The following CCAR2 variants were observed in gnomAD, a reference collection of about 807,000 sequenced individuals.
CCAR2 encodes cell cycle and apoptosis regulator protein 2.
A neutral mutation model predicts 108.1 loss-of-function variants in CCAR2; 21 were observed. The observed-to-expected ratio is 0.19, with a 90% confidence interval of 0.14 to 0.28. The LOEUF (loss-of-function observed/expected upper bound fraction) is 0.28. Ranked by LOEUF, CCAR2 falls within the 10% of genes least tolerant of loss-of-function variation. The probability of loss-of-function intolerance (pLI) is 1.00; values close to 1 mark genes in which losing one functional copy is unlikely to be tolerated. For synonymous variants in CCAR2, 577 were observed against 472.8 expected, an observed-to-expected ratio of 1.22 and a Z score of -2.86; for missense variants, 1,126 against 1,177.0, an observed-to-expected ratio of 0.96 and a Z score of 0.63.
rs761731670 is a variant in CCAR2 at position 22,607,239 on chromosome 8, C to T, written c.401C>T (p.Ala134Val). Residue 134 changes from alanine (A) to valine (V), a missense_variant, in exon 6 of 21, where the codon GCC becomes GTC. Physicochemically the swap from Ala to Val is moderately conservative, Grantham distance 64. Coordinates refer to ENST00000308511, the MANE Select transcript of CCAR2 (RefSeq NM_001393997.1). ...SPAPPLLHVA[A>V]LGQKQGILGA... is the part of the protein sequence containing the mutation. ...GCACCTCCTCTTCTGCATGTAGCAG[C>T]CCTGGGCCAGAAGCAAGGGATCCTG... The T allele has an allele frequency of 6.2e-7, 1 of 1,614,056 alleles. No homozygotes were observed. Among genetic ancestry groups the T allele is most frequent in the Non-Finnish European group, 8.5e-7 (1 of 1,180,014 alleles).
chr8:22,621,472 C>CG, downstream of CCAR2: 2 of 1,613,852 alleles, frequency 1.2e-6, no homozygotes, highest in Non-Finnish European at 1.7e-6. Context: ...AGTTTGGCCT[C>CG]GTTCTCCCGC....
rs1801452566 is a variant in CCAR2, at chr8:22,615,212, G to A, written c.1205+211G>A. On this transcript the variant is annotated intron_variant, in intron 11 of 20. Coordinates refer to ENST00000308511, the MANE Select transcript of CCAR2 (RefSeq NM_001393997.1). ...CTTGAGACTCCCTGGAGTTGTCCTTGCACCTTGTAGGGTGCTTGTGTGGTT... is the reference window on the plus strand; with the variant it reads ...CTTGAGACTCCCTGGAGTTGTCCTTACACCTTGTAGGGTGCTTGTGTGGTT... 3 of 860,834 alleles carry A rather than the reference G, an allele frequency of 3.5e-6. No individual in the cohort carries two copies. The African/African-American group carries it at 5.1e-5, about 15-fold the overall frequency. The allele number at this position is 860,834 out of a possible 1,614,324, so 53.3% of individuals were successfully genotyped here.
chr8:22,613,029 C>T lies in CCAR2; in HGVS notation c.597C>T (p.Asp199=). ...GGTCAACCTCTAGTGATGACTATGA[C>T]TCCAAGAAACGCAAACAGCGGGCTG... ...RLDQGRSDDY[D]SKKRKQRAGG... is the part of the protein sequence containing the mutation. The change falls in exon 8 of 21, where the codon GAC becomes GAT. Residue 199 remains aspartate (D), a synonymous_variant. Transcript: ENST00000308511. 6.2e-7 allele frequency: 1 copy of T among 1,612,922 alleles called. No homozygotes were observed. Among genetic ancestry groups the T allele is most frequent in the Non-Finnish European group, 8.5e-7 (1 of 1,179,640 alleles).
intron 19 of CCAR2, 25 bp from the exon 20 acceptor site, chr8:22,619,125 C>G (rs200810603): frequency 6.2e-7 from 1 of 1,603,514 alleles, no homozygotes; most frequent in Non-Finnish European, 8.5e-7. Context: ...GAGCAGCCGT[C>G]CCCGTTTCCT....
chr8:22,609,756 TTTC>T (rs1801208385), intron 7 of CCAR2, among the ~76,000 whole-genome samples: 1 of 152,184 alleles, frequency 6.6e-6, no homozygotes, highest in Non-Finnish European at 1.5e-5. Flanking sequence ...TGCCGTGGAC[TTTC>T]TGCTTTACGG....
intron 7 of CCAR2, among the ~76,000 whole-genome samples, chr8:22,610,321 G>T (rs1247156672): frequency 6.6e-6 from 1 of 152,184 alleles, no homozygotes; most frequent in Non-Finnish European, 1.5e-5. Context: ...TTGAATTCCT[G>T]GCTTTGGGAT....
At chr8:22,605,664 A>G in intron 1 of CCAR2, 72 bp from the exon 2 acceptor site, 1 of 879,074 alleles carries the variant, frequency 1.1e-6, no homozygotes, top group Non-Finnish European at 1.8e-6. Flanking sequence ...CTTACTTAAG[A>G]TTCTCCACTT....
At position 22,615,787 on chromosome 8, in the gene CCAR2, A is replaced by G. The variant is rs201254711; in HGVS notation, c.1483A>G (p.Thr495Ala). The part of the protein sequence containing the change: ...PEATTQQETD[T>A]DLPEAPPPPL... The stretch of plus-strand genomic sequence containing the variant: ...GGCCACCACACAGCAGGAAACGGAC[A>G]CTGATCTCCCAGAGGCCCCTCCACC... The change falls in exon 13 of 21, where the codon ACT becomes GCT. Residue 495 changes from threonine to alanine, a missense_variant. Thr to Ala is a moderately conservative substitution (Grantham distance 58). Around this residue, in one of 4 missense-constraint regions of CCAR2, gnomAD observed 1,013 missense variants for 993.9 expected, o/e 1.02. Coordinates refer to ENST00000308511, the MANE Select transcript of CCAR2 (RefSeq NM_001393997.1). The G allele has an allele frequency of 1.9e-6, 3 of 1,613,922 alleles. No individual in the cohort carries two copies. The highest frequency in any genetic ancestry group is 2.5e-6 in the Non-Finnish European group (3 of 1,179,992).
At position 22,618,804 on chromosome 8, in the gene CCAR2, T is replaced by A. The variant is rs761511063; in HGVS notation, c.2333-23T>A. ...CCCTCTCTGGAGACTCCATCCTGAA[T>A]TCTTTTTCACGGTTCTCTCTAGGAA... On this transcript the variant is annotated intron_variant, in intron 18 of 20. Transcript: ENST00000308511. The A allele has an allele frequency of 7.4e-6, 12 of 1,613,030 alleles. No homozygotes were observed. The African/African-American group carries it at 1.6e-4, about 22-fold the overall frequency.
At chr8:22,612,915 G>C in intron 7 of CCAR2, 102 bp from the exon 8 acceptor site, 1 of 1,266,818 alleles carries the variant, frequency 7.9e-7, no homozygotes, top group Admixed American at 2.4e-5. Context: ...TCCATTTATT[G>C]AATGTGAGGG....
At position 22,614,900 on chromosome 8, in the gene CCAR2, G is replaced by A; in HGVS notation, c.1104G>A (p.Leu368=). ...VLVGGEWSPS[L]DGLDPQADPQ... The stretch of plus-strand genomic sequence containing the variant: ...TTGGGGGTGAATGGTCTCCTTCCCT[G>A]GATGGCCTCGACCCCCAGGCTGACC... The change falls in exon 11 of 21, where the codon CTG becomes CTA. Residue 368 remains leucine, a synonymous_variant. Coordinates refer to ENST00000308511, the MANE Select transcript of CCAR2 (RefSeq NM_001393997.1). 6.2e-7 allele frequency: 1 copy of A among 1,613,928 alleles called. No homozygotes were observed. Among genetic ancestry groups the A allele is most frequent in the East Asian group, 2.2e-5 (1 of 44,886 alleles).
chr8:22,610,330 A>T (rs1801227129), intron 7 of CCAR2, among the ~76,000 whole-genome samples: 1 of 152,194 alleles, frequency 6.6e-6, no homozygotes, highest in African/African-American at 2.4e-5. Context: ...TGGCTTTGGG[A>T]TGCAGAGAAC....
Position 22,615,505 on chromosome 8 carries a change from T to C in CCAR2, c.1286T>C (p.Val429Ala). Residue 429 changes from valine to alanine, a missense_variant, in exon 12 of 21, where the codon GTC becomes GCC. Val to Ala is a moderately conservative substitution (Grantham distance 64). Around this residue, in one of 4 missense-constraint regions of CCAR2, gnomAD observed 1,013 missense variants for 993.9 expected, o/e 1.02. Transcript: ENST00000308511. ...ACAGTGGTGGTGTACCTGCCGGATGTCTGGACCATCATGCCTACTTTGGAG... is the reference window on the plus strand; with the variant it reads ...ACAGTGGTGGTGTACCTGCCGGATGCCTGGACCATCATGCCTACTTTGGAG... The part of the protein sequence containing the change: ...LQTVVVYLPD[V>A]WTIMPTLEEW... The C allele has an allele frequency of 6.2e-7, 1 of 1,613,952 alleles. No homozygotes were observed. Among genetic ancestry groups the C allele is most frequent in the African/African-American group, 1.3e-5 (1 of 75,034 alleles).
intron 8 of CCAR2, among the ~76,000 whole-genome samples, chr8:22,613,541 T>C (rs1246562283): frequency 6.6e-6 from 1 of 152,224 alleles, no homozygotes; most frequent in Non-Finnish European, 1.5e-5. Flanking sequence ...AAGGCTTTGC[T>C]TTAAGCTTCC....
rs200381038 is a variant in CCAR2 at position 22,618,736 on chromosome 8, C to T, written c.2332+8C>T. 1.2e-6 allele frequency: 2 copies of T among 1,613,700 alleles called. No individual in the cohort carries two copies. The highest frequency in any genetic ancestry group is 1.3e-5 in the African/African-American group (1 of 74,920). On this transcript the variant is annotated splice_region_variant and intron_variant, in intron 18 of 20. Transcript: ENST00000308511. ...CCGAGGAGGTGCTCTTCGGTATGTT[C>T]TGGGGCCCTGCAGCCTTCCTGGGGC... is the stretch of plus-strand genomic sequence containing the variant.
downstream of CCAR2, chr8:22,621,491 C>G (rs2117487214): frequency 1.2e-6 from 2 of 1,613,966 alleles, no homozygotes; most frequent in Middle Eastern, 1.6e-4. Flanking sequence ...GCTCCCGCTG[C>G]TCATCGGAGT....
intron 10 of CCAR2, 150 bp downstream of exon 10, chr8:22,614,653 C>G (rs1274268263): frequency 2.9e-6 from 3 of 1,038,590 alleles, no homozygotes; most frequent in African/African-American, 1.6e-5. Context: ...AGGTGCAGCT[C>G]AGAGCTGTTA....
Position 22,605,811 on chromosome 8 carries a change from CA to C in CCAR2, c.39del (p.Gly15AspfsTer66). 1 of 1,614,016 alleles carries C rather than the reference CA, an allele frequency of 6.2e-7. No individual in the cohort carries two copies. The highest frequency in any genetic ancestry group is 8.5e-7 in the Non-Finnish European group (1 of 1,179,966). ...AAGCGCCAGCGGATCAACCCGCTTC[CA>C]GGGGGACGCAACTTCTCAGGTGATC... ...QFKRQRINPL[P>X]GGRNFSGTAS... On this transcript the variant is annotated frameshift_variant, in exon 2 of 21. Coordinates refer to ENST00000308511, the MANE Select transcript of CCAR2 (RefSeq NM_001393997.1). LOFTEE classifies it high-confidence loss of function.
rs758441764 is a variant in CCAR2, at chr8:22,616,265, C to T, written c.1845+17C>T. On this transcript the variant is annotated intron_variant, in intron 14 of 20. Coordinates refer to ENST00000308511, the MANE Select transcript of CCAR2 (RefSeq NM_001393997.1). ...GCCCCGCTGGTGAGTACCCTGCCAC[C>T]TCGGGCTGTCATAGTGCTTACCGTG... 1 of 1,608,396 alleles carries T rather than the reference C, an allele frequency of 6.2e-7. No individual in the cohort carries two copies. The highest frequency in any genetic ancestry group is 1.7e-5 in the Admixed American group (1 of 60,000).
Sources: allele counts gnomAD v4.1 joint callset (sites outside exome capture counted in the v4.1 genomes callset), GRCh38; gene constraint gnomAD v4.1.1; regional missense constraint gnomAD v4.1.1; transcripts MANE v1.5; gene names NCBI Gene and HGNC (gene_info 2026-07-23, HGNC 2026-07-21).